GRID2: variants seen among roughly 807,000 people sequenced by gnomAD.
GRID2 encodes the protein glutamate ionotropic receptor delta type subunit 2.
In GRID2, 33 loss-of-function variants were observed where a neutral mutation model predicts 114.8. The ratio of observed to expected loss-of-function variants is 0.29; its 90% CI spans 0.22 to 0.38. GRID2 has a LOEUF of 0.38. GRID2 is among the 10% of genes least tolerant of loss of function. GRID2 has a pLI of 1.00. For missense variants in GRID2, 1,184 were observed against 1,257.7 expected (o/e 0.94, Z 0.89); for synonymous variants, 505 against 449.9 (o/e 1.12, Z -1.55).
intron 4 of GRID2, among the ~76,000 whole-genome samples, chr4:93,186,556 C>T (rs1295398735): frequency 6.6e-6 from 1 of 152,148 alleles, no homozygotes; most frequent in Non-Finnish European, 1.5e-5. Context: ...CTCTACATCT[C>T]CCTACATGCT....
rs575564666 is a variant in GRID2 at position 93,598,065 on chromosome 4, T to C, written c.2194-28204T>C. Among the ~76,000 whole-genome samples the C allele has an allele frequency of 2.0e-5, 3 of 152,300 alleles. No individual in the cohort carries two copies. The East Asian group carries it at 5.8e-4, about 29-fold the overall frequency. ...TGTGAACGAACAATGGACTATCATA[T>C]ACTCTATACATTCTCTGGTACAACA... On this transcript the variant is annotated intron_variant, in intron 13 of 15. Coordinates refer to ENST00000282020, the MANE Select transcript of GRID2 (RefSeq NM_001510.4).
chr4:92,673,173 CTTTAT>C (rs928925208), intron 2 of GRID2, among the ~76,000 whole-genome samples: 2 of 151,886 alleles, frequency 1.3e-5, no homozygotes, highest in African/African-American at 2.4e-5. Context: ...ATGTGTGTAT[CTTTAT>C]TTTATATATA....
chr4:93,591,854 A>C (rs980554493), intron 13 of GRID2, among the ~76,000 whole-genome samples: 2 of 152,104 alleles, frequency 1.3e-5, no homozygotes, highest in Non-Finnish European at 2.9e-5. Flanking sequence ...AGAGGTGTTT[A>C]TAGTATTCTC....
At chr4:92,721,475 AATAAT>A (rs1735806369) in intron 2 of GRID2, among the ~76,000 whole-genome samples, 1 of 152,084 alleles carries the variant, frequency 6.6e-6, no homozygotes, top group African/African-American at 2.4e-5. Flanking sequence ...CAATAGGGAA[AATAAT>A]ATATTATTCT....
chr4:92,521,823 T>C (rs1017743612), intron 1 of GRID2, among the ~76,000 whole-genome samples: 1 of 151,944 alleles, frequency 6.6e-6, no homozygotes, highest in Non-Finnish European at 1.5e-5. Context: ...CCTGGAAAGA[T>C]AAGAATTGAG....
At chr4:93,448,485 A>T (rs932642263) in intron 10 of GRID2, among the ~76,000 whole-genome samples, 6 of 151,974 alleles carry the variant, frequency 3.9e-5, no homozygotes, top group African/African-American at 7.2e-5. Flanking sequence ...CCATTTTCTC[A>T]AGCATACATG....
chr4:92,923,558 C>G (rs1453999376), intron 2 of GRID2, among the ~76,000 whole-genome samples: 3 of 152,096 alleles, frequency 2.0e-5, no homozygotes, highest in Admixed American at 2.0e-4. Flanking sequence ...TATTTCTATT[C>G]TGCCATTTTC....
At chr4:92,970,300 T>C (rs1219006291) in intron 2 of GRID2, among the ~76,000 whole-genome samples, 1 of 151,918 alleles carries the variant, frequency 6.6e-6, no homozygotes, top group East Asian at 1.9e-4. Flanking sequence ...ATTCAAAATC[T>C]TTCTTTATTC....
At chr4:93,593,135 G>GTTT (rs1317704094) in intron 13 of GRID2, among the ~76,000 whole-genome samples, 1 of 151,690 alleles carries the variant, frequency 6.6e-6, no homozygotes, top group Non-Finnish European at 1.5e-5. Flanking sequence ...GTTAGTTGCA[G>GTTT]TTTCTTCCTA....
At chr4:93,205,361 T>C (rs932566495) in intron 4 of GRID2, among the ~76,000 whole-genome samples, 6 of 152,142 alleles carry the variant, frequency 3.9e-5, no homozygotes, top group Non-Finnish European at 8.8e-5. Context: ...CCCGTGTCCA[T>C]GTGTTCTCAT....
At chr4:93,344,689 A>G (rs1240478686) in intron 8 of GRID2, among the ~76,000 whole-genome samples, 3 of 149,604 alleles carry the variant, frequency 2.0e-5, no homozygotes, top group South Asian at 2.1e-4. Context: ...ATTATTAACT[A>G]TAGTCATATT....
chr4:93,542,740 C>G (rs769358265), intron 13 of GRID2, among the ~76,000 whole-genome samples: 13 of 152,106 alleles, frequency 8.5e-5, no homozygotes, highest in Non-Finnish European at 1.5e-4. Flanking sequence ...GGCACCCAGC[C>G]TCTGCCTTCT....
intron 4 of GRID2, among the ~76,000 whole-genome samples, chr4:93,161,697 T>C (rs1579155848): frequency 6.6e-6 from 1 of 151,756 alleles, no homozygotes; most frequent in Non-Finnish European, 1.5e-5. Context: ...TAAATCATAG[T>C]TTTTATGTGA....
intron 2 of GRID2, among the ~76,000 whole-genome samples, chr4:92,729,290 T>A (rs909949387): frequency 2.0e-5 from 3 of 152,124 alleles, no homozygotes; most frequent in African/African-American, 7.2e-5. Flanking sequence ...CTAGGACATC[T>A]ACTCCACTTG....
intron 2 of GRID2, among the ~76,000 whole-genome samples, chr4:92,863,883 A>G (rs1434152303): frequency 1.3e-5 from 2 of 152,110 alleles, no homozygotes; most frequent in Non-Finnish European, 2.9e-5. Flanking sequence ...TTAGAGTGAA[A>G]AGGATTCATC....
chr4:93,207,490 T>C (rs770331576), intron 5 of GRID2, 33 bp downstream of exon 5: 1 of 1,355,238 alleles, frequency 7.4e-7, no homozygotes, highest in Non-Finnish European at 1.0e-6. Context: ...GTTAACTCTG[T>C]GTCCTTTTTT....
rs1192745007 is a variant in GRID2 at position 92,964,388 on chromosome 4, C to G, written c.245-120607C>G. Among the ~76,000 whole-genome samples the G allele has an allele frequency of 2.6e-5, 4 of 151,992 alleles. No homozygotes were observed. In the East Asian group the frequency reaches 7.7e-4, roughly 29 times the overall value. On this transcript the variant is annotated intron_variant, in intron 2 of 15. Coordinates refer to ENST00000282020, the MANE Select transcript of GRID2 (RefSeq NM_001510.4). ...GGGAACATCACACACCGGGCCCTGTCAGGCATAGGGGACAAGAGGAGGGAG... is the reference window on the plus strand; with the variant it reads ...GGGAACATCACACACCGGGCCCTGTGAGGCATAGGGGACAAGAGGAGGGAG...
intron 14 of GRID2, among the ~76,000 whole-genome samples, chr4:93,636,999 A>G (rs542223931): frequency 1.2e-4 from 18 of 152,314 alleles, no homozygotes; most frequent in African/African-American, 4.3e-4. Context: ...ATATGTTTTC[A>G]CAAACATAGT....
At chr4:92,628,784 T>C (rs1221864843) in intron 2 of GRID2, among the ~76,000 whole-genome samples, 1 of 152,172 alleles carries the variant, frequency 6.6e-6, no homozygotes, top group Non-Finnish European at 1.5e-5. Flanking sequence ...CTATTATTAT[T>C]GTTCCTCCCA....
Sources: allele counts gnomAD v4.1 joint callset (sites outside exome capture counted in the v4.1 genomes callset), GRCh38; gene constraint gnomAD v4.1.1; transcripts MANE v1.5; gene names NCBI Gene and HGNC (gene_info 2026-07-23, HGNC 2026-07-21).